Variants in ELOVL7 observed in about 807,000 individuals in gnomAD.
The protein encoded by ELOVL7 is very long chain fatty acid elongase 7.
A neutral mutation model predicts 35.7 loss-of-function variants in ELOVL7; 27 were observed. That is an observed-to-expected ratio of 0.76 (90% CI 0.56 to 1.04). ELOVL7 has a LOEUF of 1.04. Among genes scored for constraint, ELOVL7 ranks in the 50% least tolerant of loss-of-function variants. ELOVL7 has a pLI of 0.00. For synonymous variants in ELOVL7, 113 were observed against 114.6 expected (o/e 0.99, Z 0.09); for missense variants, 327 against 340.8 (o/e 0.96, Z 0.32).
chr5:60,819,045 G>GCA (rs1745714611), intron 1 of ELOVL7, among the ~76,000 whole-genome samples: 2 of 122 alleles, frequency 0.016, no homozygotes. Flanking sequence ...GGAGGGGAGG[G>GCA]GAGGGGAGGG....
intron 1 of ELOVL7, among the ~76,000 whole-genome samples, chr5:60,826,195 T>A (rs1345642603): frequency 6.6e-6 from 1 of 152,174 alleles, no homozygotes; most frequent in Non-Finnish European, 1.5e-5. Context: ...TTAAGAAAAG[T>A]AACCAACAGT....
chr5:60,835,068 T>G (rs187385087), intron 1 of ELOVL7, among the ~76,000 whole-genome samples: 1 of 151,310 alleles, frequency 6.6e-6, no homozygotes, highest in East Asian at 1.9e-4. Context: ...CACACACCCG[T>G]AGTCCCAGTT....
Position 60,757,663 on chromosome 5 carries a change from T to C in ELOVL7, c.500-18A>G. ...CAAACCACCTGGAAAATAAAATTAT[T>C]GTAACATGGGGCCATTGTTCCTTAA... is the stretch of plus-strand genomic sequence containing the variant. On this transcript the variant is annotated intron_variant, in intron 7 of 8. Coordinates refer to ENST00000508821, the MANE Select transcript of ELOVL7 (RefSeq NM_024930.3). The C allele has an allele frequency of 6.5e-7, 1 of 1,540,308 alleles. No homozygotes were observed. Among genetic ancestry groups the C allele is most frequent in the Non-Finnish European group, 8.8e-7 (1 of 1,132,548 alleles).
chr5:60,756,163 C>T (rs1741528462), intron 8 of ELOVL7, among the ~76,000 whole-genome samples: 1 of 152,058 alleles, frequency 6.6e-6, no homozygotes, highest in Non-Finnish European at 1.5e-5. Context: ...GAAAAAATGT[C>T]CATCCTATTC....
intron 1 of ELOVL7, among the ~76,000 whole-genome samples, chr5:60,802,286 T>C (rs1460516885): frequency 1.3e-5 from 2 of 151,900 alleles, no homozygotes; most frequent in Non-Finnish European, 2.9e-5. Context: ...TTAAACCTGG[T>C]TGAAAATCAG....
chr5:60,766,025 A>C (rs1742213885), intron 6 of ELOVL7, among the ~76,000 whole-genome samples: 1 of 152,156 alleles, frequency 6.6e-6, no homozygotes, highest in Admixed American at 6.5e-5. Flanking sequence ...CCAAGTTCAG[A>C]GGCGATCCTC....
At chr5:60,824,664 A>G (rs1415568524) in intron 1 of ELOVL7, among the ~76,000 whole-genome samples, 2 of 152,208 alleles carry the variant, frequency 1.3e-5, no homozygotes, top group African/African-American at 4.8e-5. Flanking sequence ...TATATTCTAG[A>G]ATCCAACTAC....
chr5:60,830,456 T>C (rs1746416570), intron 1 of ELOVL7, among the ~76,000 whole-genome samples: 1 of 152,076 alleles, frequency 6.6e-6, no homozygotes, highest in Non-Finnish European at 1.5e-5. Context: ...TCCTGAAGGA[T>C]AACAGCAGAG....
chr5:60,754,658 A>G lies in ELOVL7; in HGVS notation c.812T>C (p.Val271Ala), dbSNP rs1422155845. The change falls in exon 9 of 9, where the codon GTG (valine) becomes GCG (alanine). Residue 271 changes from valine (V) to alanine (A), a missense_variant. Transcript: ENST00000508821. ...TTTGTTTTTGCAAGTTCCATTTTTC[A>G]CAGTTTTGGGCAACCTCTGACCTTT... ...YTKGQRLPKTVKNGTCKNKDN is the reference protein window; with the variant it reads ...YTKGQRLPKTAKNGTCKNKDN 1 of 1,614,006 alleles carries G rather than the reference A, an allele frequency of 6.2e-7. No individual in the cohort carries two copies.
At chr5:60,787,591 C>T (rs991784186) in intron 2 of ELOVL7, 160 bp from the exon 3 acceptor site, 2 of 461,038 alleles carry the variant, frequency 4.3e-6, no homozygotes, top group Middle Eastern at 5.9e-4. Flanking sequence ...TTACTTTAAA[C>T]CCTGATGCAG....
rs59849955 is a variant in ELOVL7 at position 60,802,061 on chromosome 5, CATATATATAT to C, written c.-85-2841_-85-2832del. Among the ~76,000 whole-genome samples the C allele has an allele frequency of 6.9e-3, 531 of 76,972 alleles. 7 individuals are homozygous for C. Among genetic ancestry groups the C allele is most frequent in the Middle Eastern group, 0.021 (3 of 142 alleles). The allele number at this position is 76,972 out of a possible 152,430, so 50.5% of individuals were successfully genotyped here. On this transcript the variant is annotated intron_variant, in intron 1 of 8. Transcript: ENST00000508821. The stretch of plus-strand genomic sequence containing the variant: ...GAGCCAATTCTCCCTAATAAACTCT[CATATATATAT>C]ATATATATATATATATATATATATA...
intron 2 of ELOVL7, among the ~76,000 whole-genome samples, chr5:60,795,073 A>G (rs1744165971): frequency 6.6e-6 from 1 of 152,214 alleles, no homozygotes; most frequent in South Asian, 2.1e-4. Context: ...ACATGCCTTC[A>G]AATGCAGAAG....
intron 3 of ELOVL7, among the ~76,000 whole-genome samples, chr5:60,782,672 A>G (rs1230346261): frequency 3.3e-5 from 5 of 152,258 alleles, no homozygotes; most frequent in Non-Finnish European, 7.3e-5. Context: ...AACTTGGAAG[A>G]CATTATGCTA....
At chr5:60,795,365 C>T (rs6890201) in intron 2 of ELOVL7, among the ~76,000 whole-genome samples, 1 of 151,944 alleles carries the variant, frequency 6.6e-6, no homozygotes, top group Non-Finnish European at 1.5e-5. Context: ...AGGTAGTAAA[C>T]AGGGCTCACT....
chr5:60,780,943 G>T (rs1743212195), intron 3 of ELOVL7, among the ~76,000 whole-genome samples: 1 of 152,158 alleles, frequency 6.6e-6, no homozygotes, highest in Non-Finnish European at 1.5e-5. Context: ...AGGCGCCATG[G>T]CTCACACCTG....
chr5:60,841,145 C>T (rs1308970771), intron 1 of ELOVL7, among the ~76,000 whole-genome samples: 1 of 151,708 alleles, frequency 6.6e-6, no homozygotes, highest in Non-Finnish European at 1.5e-5. Context: ...CCTGCCTCAG[C>T]CTCCCAAGTA....
chr5:60,765,586 G>A (rs1020791332), intron 6 of ELOVL7, among the ~76,000 whole-genome samples: 1 of 152,118 alleles, frequency 6.6e-6, no homozygotes, highest in Non-Finnish European at 1.5e-5. Context: ...AGCATCATCT[G>A]AGAACTTGTT....
At chr5:60,821,605 T>C (rs1745893329) in intron 1 of ELOVL7, among the ~76,000 whole-genome samples, 1 of 152,252 alleles carries the variant, frequency 6.6e-6, no homozygotes, top group Non-Finnish European at 1.5e-5. Context: ...CCAGGCAAAC[T>C]GTCCAGTCTC....
chr5:60,755,330 T>G (rs1741474336), intron 8 of ELOVL7, among the ~76,000 whole-genome samples: 1 of 152,184 alleles, frequency 6.6e-6, no homozygotes, highest in African/African-American at 2.4e-5. Flanking sequence ...CTCGGAGTCC[T>G]TATACCTGCC....
Sources: allele counts gnomAD v4.1 joint callset (sites outside exome capture counted in the v4.1 genomes callset), GRCh38; gene constraint gnomAD v4.1.1; transcripts MANE v1.5; gene names NCBI Gene and HGNC (gene_info 2026-07-23, HGNC 2026-07-21).